The following ROBO2 variants were observed in gnomAD, a reference collection of about 807,000 sequenced individuals.
The protein encoded by ROBO2 is roundabout homolog 2.
Under a neutral mutation model 160.8 loss-of-function variants are expected in ROBO2, and 53 were observed. That is an observed-to-expected ratio of 0.33 (90% CI 0.26 to 0.41). The LOEUF is 0.41. Among genes scored for constraint, ROBO2 ranks in the 10% least tolerant of loss-of-function variants. The pLI is 1.00. For synonymous variants in ROBO2, 664 were observed against 611.7 expected, an observed-to-expected ratio of 1.09 and a Z score of -1.26; for missense variants, 1,577 against 1,722.4, an observed-to-expected ratio of 0.92 and a Z score of 1.49.
chr3:76,318,307 G>A (rs151225883), intron 2 of ROBO2, among the ~76,000 whole-genome samples: 2,944 of 152,112 alleles, frequency 0.019, 77 homozygotes, highest in African/African-American at 0.063. Flanking sequence ...GTTGGGAAGC[G>A]TATGTTCTTT....
At chr3:77,565,159 G>A (rs1216947427) in intron 12 of ROBO2, 39 bp downstream of exon 13, 1 of 1,607,364 alleles carries the variant, frequency 6.2e-7, no homozygotes, top group South Asian at 1.1e-5. Context: ...GTTCTAGGCA[G>A]AAACATCAGA....
chr3:77,200,481 T>C (rs939395366), intron 2 of ROBO2, among the ~76,000 whole-genome samples: 15 of 151,462 alleles, frequency 9.9e-5, no homozygotes, highest in African/African-American at 3.4e-4. Context: ...TAAATGGGTA[T>C]CACCCCCTCA....
chr3:77,160,416 A>G (rs981999282), intron 2 of ROBO2, among the ~76,000 whole-genome samples: 2 of 152,190 alleles, frequency 1.3e-5, no homozygotes, highest in Non-Finnish European at 2.9e-5. Flanking sequence ...AATTGTATTT[A>G]TGCAATTCCA....
chr3:76,162,314 T>A (rs2072672977), intron 2 of ROBO2, among the ~76,000 whole-genome samples: 1 of 152,178 alleles, frequency 6.6e-6, no homozygotes, highest in African/African-American at 2.4e-5. Context: ...GTGTTTCATT[T>A]TATTTATTTT....
At chr3:77,162,074 TTAAC>T (rs1330406574) in intron 2 of ROBO2, among the ~76,000 whole-genome samples, 1 of 152,026 alleles carries the variant, frequency 6.6e-6, no homozygotes, top group African/African-American at 2.4e-5. Flanking sequence ...AATTTGAGAG[TTAAC>T]TTATCATATT....
At position 76,783,075 on chromosome 3, in the gene ROBO2, A is replaced by T. The variant is rs115815187; in HGVS notation, c.110-314939A>T. Among the ~76,000 whole-genome samples the T allele has an allele frequency of 6.9e-3, 1,035 of 150,516 alleles. 11 individuals carry two copies. Among genetic ancestry groups the T allele is most frequent in the South Asian group, 0.016 (79 of 4,802 alleles). On this transcript the variant is annotated intron_variant, in intron 2 of 26. Transcript: ENST00000487694. ...GTTTTACCTTTGTGATTTCCATGAG[A>T]CTTATATAAAACTTGATAGTTGAAA...
intron 2 of ROBO2, among the ~76,000 whole-genome samples, chr3:76,990,948 C>T (rs1428858068): frequency 3.3e-5 from 5 of 152,084 alleles, no homozygotes; most frequent in African/African-American, 1.2e-4. Flanking sequence ...GCAGCCCACC[C>T]CAACGGAAGA....
At chr3:76,859,623 G>A (rs2070523335) in intron 2 of ROBO2, among the ~76,000 whole-genome samples, 1 of 152,126 alleles carries the variant, frequency 6.6e-6, no homozygotes, top group Non-Finnish European at 1.5e-5. Flanking sequence ...CACCATCGGG[G>A]ACCCTGAGGA....
At chr3:76,945,034 G>C (rs1324847934) in intron 2 of ROBO2, among the ~76,000 whole-genome samples, 1 of 151,886 alleles carries the variant, frequency 6.6e-6, no homozygotes, top group South Asian at 2.1e-4. Context: ...GACTACAGGC[G>C]CCCGCCACCA....
intron 2 of ROBO2, among the ~76,000 whole-genome samples, chr3:76,602,949 T>C (rs1338025024): frequency 6.6e-6 from 1 of 152,214 alleles, no homozygotes; most frequent in Non-Finnish European, 1.5e-5. Flanking sequence ...ACTTCTAATC[T>C]TCTATTTCCT....
intron 2 of ROBO2, among the ~76,000 whole-genome samples, chr3:76,964,182 C>A (rs975120947): frequency 6.6e-6 from 1 of 152,124 alleles, no homozygotes; most frequent in Middle Eastern, 3.4e-3. Flanking sequence ...AAGTTTTTTT[C>A]TCATATGTGT....
At chr3:76,797,120 T>C (rs1223102227) in intron 2 of ROBO2, among the ~76,000 whole-genome samples, 1 of 152,084 alleles carries the variant, frequency 6.6e-6, no homozygotes, top group Non-Finnish European at 1.5e-5. Flanking sequence ...GTACGGAACA[T>C]TTCATCCAAT....
intron 2 of ROBO2, among the ~76,000 whole-genome samples, chr3:76,258,294 T>C (rs1043710728): frequency 2.6e-5 from 4 of 152,160 alleles, no homozygotes; most frequent in Non-Finnish European, 5.9e-5. Context: ...TATTCTAAGT[T>C]CTTATTTTTT....
chr3:76,309,631 G>A (rs2071482822), intron 2 of ROBO2, among the ~76,000 whole-genome samples: 1 of 152,062 alleles, frequency 6.6e-6, no homozygotes, highest in Admixed American at 6.5e-5. Context: ...TCATAAAACT[G>A]GTGGTTATCA....
At chr3:77,589,978 G>A (rs1197216208) in intron 17 of ROBO2, among the ~76,000 whole-genome samples, 1 of 152,058 alleles carries the variant, frequency 6.6e-6, no homozygotes, top group Non-Finnish European at 1.5e-5. Context: ...TGACAGAGGC[G>A]TCATTGATTA....
chr3:77,145,712 C>T (rs1160928552), intron 2 of ROBO2, among the ~76,000 whole-genome samples: 1 of 152,120 alleles, frequency 6.6e-6, no homozygotes, highest in East Asian at 1.9e-4. Context: ...ATAAGTGTGG[C>T]ATAAACACAT....
chr3:77,606,637 G>A (rs1053919676), intron 20 of ROBO2, among the ~76,000 whole-genome samples: 2 of 152,162 alleles, frequency 1.3e-5, no homozygotes, highest in African/African-American at 2.4e-5. Flanking sequence ...TCACTTCCTG[G>A]TGCTCAAATA....
intron 2 of ROBO2, among the ~76,000 whole-genome samples, chr3:76,185,057 T>A: frequency 6.6e-6 from 1 of 151,550 alleles, no homozygotes; most frequent in East Asian, 1.9e-4. Context: ...TCTAGATATT[T>A]CTTCATCCAG....
intron 6 of ROBO2, among the ~76,000 whole-genome samples, chr3:77,526,749 C>A (rs1046380921): frequency 6.6e-6 from 1 of 151,418 alleles, no homozygotes; most frequent in Non-Finnish European, 1.5e-5. Context: ...TCAGTGTGAA[C>A]AGGAATCAAC....
Sources: allele counts gnomAD v4.1 joint callset (sites outside exome capture counted in the v4.1 genomes callset), GRCh38; gene constraint gnomAD v4.1.1; transcripts MANE v1.5; gene names NCBI Gene and HGNC (gene_info 2026-07-23, HGNC 2026-07-21).